The following NELL2 variants were observed in gnomAD, a reference collection of about 807,000 sequenced individuals.
NELL2 encodes protein kinase C-binding protein NELL2.
Under a neutral mutation model 109.6 loss-of-function variants are expected in NELL2, and 41 were observed. The ratio of observed to expected loss-of-function variants is 0.37; its 90% CI spans 0.29 to 0.49. The LOEUF is 0.49. Ranked by LOEUF, NELL2 falls within the 20% of genes least tolerant of loss-of-function variation. The pLI is 0.98. For synonymous variants in NELL2, 355 were observed against 344.7 expected (o/e 1.03, Z -0.33); for missense variants, 900 against 1,008.3 (o/e 0.89, Z 1.45).
intron 1 of NELL2, among the ~76,000 whole-genome samples, chr12:44,887,656 G>GTGTGTGTGTGT (rs1360697607): frequency 6.6e-6 from 1 of 150,532 alleles, no homozygotes; most frequent in African/African-American, 2.4e-5. Flanking sequence ...GTGTGTGTGT[G>GTGTGTGTGTGT]TGTTGTTGTT....
intron 13 of NELL2, among the ~76,000 whole-genome samples, chr12:44,644,422 C>T (rs919660138): frequency 4.6e-5 from 7 of 151,316 alleles, no homozygotes; most frequent in African/African-American, 1.7e-4. Flanking sequence ...CTAAACTTCT[C>T]CTCTAGAAGA....
At chr12:44,875,563 T>C in intron 1 of NELL2, 1 of 1,613,026 alleles carries the variant, frequency 6.2e-7, no homozygotes, top group South Asian at 1.1e-5. Flanking sequence ...TTCCATGACC[T>C]CCTTTAAACC....
At chr12:44,741,389 C>G (rs1939951315) in intron 9 of NELL2, among the ~76,000 whole-genome samples, 1 of 152,156 alleles carries the variant, frequency 6.6e-6, no homozygotes, top group Admixed American at 6.5e-5. Flanking sequence ...ACGCAGAAGA[C>G]AGGTGATTTC....
chr12:44,691,401 T>C (rs1314931395), intron 12 of NELL2, among the ~76,000 whole-genome samples: 1 of 152,194 alleles, frequency 6.6e-6, no homozygotes, highest in Non-Finnish European at 1.5e-5. Flanking sequence ...ACTTAATCGA[T>C]AACTGTGTGT....
intron 3 of NELL2, among the ~76,000 whole-genome samples, chr12:44,811,337 T>TA (rs10683929): frequency 0.54 from 55,945 of 103,032 alleles, 15,410 homozygotes; most frequent in Admixed American, 0.63. Flanking sequence ...GAACTAAAAG[T>TA]AAAAAAAAAA....
At chr12:44,832,150 C>T (rs1943908658) in intron 2 of NELL2, among the ~76,000 whole-genome samples, 2 of 152,150 alleles carry the variant, frequency 1.3e-5, no homozygotes, top group South Asian at 4.1e-4. Context: ...AGTCTTAGCT[C>T]AAGGGGCCAT....
chr12:44,832,549 A>C (rs1432290425), intron 2 of NELL2, among the ~76,000 whole-genome samples: 1 of 152,206 alleles, frequency 6.6e-6, no homozygotes, highest in Non-Finnish European at 1.5e-5. Flanking sequence ...CGTCTTGTTC[A>C]TTCATGACTT....
chr12:44,559,963 T>C (rs138869954), intron 15 of NELL2, among the ~76,000 whole-genome samples: 206 of 152,144 alleles, frequency 1.4e-3, no homozygotes, highest in African/African-American at 3.5e-3. Context: ...AAATTGGAAA[T>C]AATAACAAAG....
At chr12:44,635,014 T>A (rs547655075) in intron 13 of NELL2, among the ~76,000 whole-genome samples, 10 of 152,324 alleles carry the variant, frequency 6.6e-5, no homozygotes, top group Non-Finnish European at 2.9e-5. Context: ...CGGTTTTGAT[T>A]TACATTTTTC....
chr12:44,525,657 A>C (rs556141386), intron 16 of NELL2, among the ~76,000 whole-genome samples: 58 of 152,348 alleles, frequency 3.8e-4, no homozygotes, highest in African/African-American at 1.4e-3. Flanking sequence ...GCATACACAA[A>C]TTCCAACTTT....
chr12:44,527,607 G>T (rs901893209), intron 16 of NELL2, among the ~76,000 whole-genome samples: 6 of 152,056 alleles, frequency 3.9e-5, no homozygotes, highest in Non-Finnish European at 8.8e-5. Flanking sequence ...TACCATTGTG[G>T]CTTTGTCTAC....
chr12:44,827,316 CTT>C (rs1943743999), intron 2 of NELL2, among the ~76,000 whole-genome samples: 1 of 151,012 alleles, frequency 6.6e-6, no homozygotes. Flanking sequence ...CCATTATACT[CTT>C]TTAGTTATTT....
intron 9 of NELL2, among the ~76,000 whole-genome samples, chr12:44,730,395 C>G (rs1366231342): frequency 6.6e-6 from 1 of 152,038 alleles, no homozygotes; most frequent in Non-Finnish European, 1.5e-5. Context: ...TACTATAAAA[C>G]AAGTCTTAAC....
upstream of NELL2, among the ~76,000 whole-genome samples, chr12:44,914,584 G>A (rs952147715): frequency 4.0e-5 from 6 of 151,802 alleles, no homozygotes; most frequent in African/African-American, 1.5e-4. Flanking sequence ...TTATCTCATT[G>A]TGTCTCTTCA....
rs181074916 is a variant in NELL2, at chr12:44,685,433, A to G, written c.1318+18293T>C. The stretch of plus-strand genomic sequence containing the variant: ...ATTGACATTTAAAGTTAATATTGTT[A>G]TGTGTGAATTTGATCCAGTCATTAT... On this transcript the variant is annotated intron_variant, in intron 12 of 19. Transcript: ENST00000429094. Among the ~76,000 whole-genome samples, 241 of 151,652 alleles carry G rather than the reference A, an allele frequency of 1.6e-3. 1 individual carries two copies. The South Asian group carries it at 0.02, about 13-fold the overall frequency.
chr12:44,558,531 G>A (rs567092318), intron 15 of NELL2, among the ~76,000 whole-genome samples: 17 of 152,266 alleles, frequency 1.1e-4, no homozygotes, highest in African/African-American at 2.2e-4. Context: ...AGGGCTGGTC[G>A]GCGGGAGGGG....
chr12:44,832,776 G>A (rs1434261499), intron 2 of NELL2, among the ~76,000 whole-genome samples: 1 of 152,160 alleles, frequency 6.6e-6, no homozygotes, highest in African/African-American at 2.4e-5. Context: ...TACATATTAA[G>A]ACCAAAAGAC....
At chr12:44,632,723 G>A (rs1319780158) in intron 13 of NELL2, among the ~76,000 whole-genome samples, 2 of 152,024 alleles carry the variant, frequency 1.3e-5, no homozygotes, top group Non-Finnish European at 2.9e-5. Flanking sequence ...TCTACATGAA[G>A]CCTGGAAAAG....
chr12:44,886,125 AAGGAAGGAAGGAAGGAAGG>A (rs1945470097), intron 1 of NELL2, among the ~76,000 whole-genome samples: 2 of 148,678 alleles, frequency 1.3e-5, no homozygotes, highest in African/African-American at 4.9e-5. Context: ...GGAAGGAAGG[AAGGAAGGAAGGAAGGAAGG>A]AAGAAAGGGA....
Sources: allele counts gnomAD v4.1 joint callset (sites outside exome capture counted in the v4.1 genomes callset), GRCh38; gene constraint gnomAD v4.1.1; transcripts MANE v1.5; gene names NCBI Gene and HGNC (gene_info 2026-07-23, HGNC 2026-07-21).